TMEM74: variants seen among roughly 807,000 people sequenced by gnomAD.
TMEM74 encodes the protein transmembrane protein 74.
In TMEM74, 13 loss-of-function variants were observed where a neutral mutation model predicts 18.1. The observed-to-expected ratio is 0.72, with a 90% CI of 0.47 to 1.14. The LOEUF (loss-of-function observed/expected upper bound fraction) is 1.14, where lower values mean the gene tolerates loss of function less well. Among genes scored for constraint, TMEM74 ranks in the 50% most tolerant of loss-of-function variants. The pLI, the probability that TMEM74 is intolerant of heterozygous loss-of-function variation, is 0.00. For missense variants in TMEM74, 372 were observed against 375.9 expected, an observed-to-expected ratio of 0.99 and a Z score of 0.09; for synonymous variants, 159 against 146.6, an observed-to-expected ratio of 1.08 and a Z score of -0.61.
intron 2 of TMEM74, among the ~76,000 whole-genome samples, chr8:108,646,797 A>T (rs1299926183): frequency 2.0e-5 from 3 of 148,120 alleles, no homozygotes; most frequent in African/African-American, 8.0e-5. Context: ...TTCATAACTC[A>T]GGTTATAAAA....
At chr8:108,652,652 A>G in intron 2 of TMEM74, 1 of 622,160 alleles carries the variant, frequency 1.6e-6, no homozygotes, top group South Asian at 1.6e-5. Flanking sequence ...AAAAAGAAAG[A>G]AGAAAAGCCA....
chr8:108,608,108 C>T (rs1812296296), intron 3 of TMEM74, among the ~76,000 whole-genome samples: 1 of 151,846 alleles, frequency 6.6e-6, no homozygotes, highest in African/African-American at 2.4e-5. Context: ...TCGAGACCAG[C>T]CTGACCAACA....
intron 1 of TMEM74, among the ~76,000 whole-genome samples, chr8:108,717,515 G>GA (rs1181845679): frequency 6.6e-6 from 1 of 152,112 alleles, no homozygotes; most frequent in Non-Finnish European, 1.5e-5. Flanking sequence ...CAGATAACCT[G>GA]AAAAATGTCA....
chr8:108,609,326 G>T (rs1300920370), intron 2 of TMEM74, among the ~76,000 whole-genome samples: 3 of 152,156 alleles, frequency 2.0e-5, no homozygotes, highest in Non-Finnish European at 2.9e-5. Flanking sequence ...CCTTGTTTAA[G>T]TTTAACGTGT....
At chr8:108,678,441 T>A (rs917296457) in intron 1 of TMEM74, among the ~76,000 whole-genome samples, 1 of 151,966 alleles carries the variant, frequency 6.6e-6, no homozygotes, top group African/African-American at 2.4e-5. Flanking sequence ...CTCAGCTCAC[T>A]GCAACCTCTG....
Position 108,713,786 on chromosome 8 carries a change from A to G in TMEM74, n.120-58349T>C, listed in dbSNP as rs552610746. On this transcript the variant is annotated intron_variant and non_coding_transcript_variant, in intron 1 of 3. Coordinates refer to the TMEM74 transcript ENST00000518838. The stretch of plus-strand genomic sequence containing the variant: ...AGGCTGAGAAGTTGCAGGACAAGCC[A>G]TCTGCAAGCTGGAGACCCTGCAATG... Among the ~76,000 whole-genome samples, 5 of 152,324 alleles carry G rather than the reference A, an allele frequency of 3.3e-5. No individual in the cohort carries two copies. In the South Asian group the frequency reaches 8.3e-4, roughly 25 times the overall value.
intron 1 of TMEM74, among the ~76,000 whole-genome samples, chr8:108,739,749 C>G (rs536442121): frequency 6.6e-5 from 10 of 152,136 alleles, no homozygotes; most frequent in Admixed American, 2.0e-4. Flanking sequence ...GGTGCTTTAG[C>G]TAGGGTGACT....
chr8:108,772,451 T>A (rs1814183732), intron 1 of TMEM74, among the ~76,000 whole-genome samples: 1 of 152,140 alleles, frequency 6.6e-6, no homozygotes, highest in African/African-American at 2.4e-5. Context: ...TCCTAGAGTT[T>A]TAAAGTCTAG....
intron 1 of TMEM74, among the ~76,000 whole-genome samples, chr8:108,732,319 C>T (rs1267900365): frequency 6.6e-6 from 1 of 152,192 alleles, no homozygotes; most frequent in African/African-American, 2.4e-5. Flanking sequence ...TGTCCATTCT[C>T]TCCCCATTTA....
chr8:108,666,654 G>A (rs1414793724), intron 1 of TMEM74, among the ~76,000 whole-genome samples: 3 of 152,048 alleles, frequency 2.0e-5, no homozygotes, highest in Non-Finnish European at 4.4e-5. Flanking sequence ...ATTGAGAGAT[G>A]GGAGATTAGA....
chr8:108,644,599 G>T (rs868581179), intron 2 of TMEM74, among the ~76,000 whole-genome samples: 2 of 152,170 alleles, frequency 1.3e-5, no homozygotes, highest in Non-Finnish European at 2.9e-5. Context: ...TGCAAACTAT[G>T]CATCTGACAA....
chr8:108,770,053 T>G (rs1483324862), intron 1 of TMEM74, among the ~76,000 whole-genome samples: 1 of 152,084 alleles, frequency 6.6e-6, no homozygotes, highest in Non-Finnish European at 1.5e-5. Flanking sequence ...CTAGGTAAAA[T>G]TTTTCATTAC....
intron 2 of TMEM74, chr8:108,652,505 A>G: frequency 2.3e-6 from 1 of 428,638 alleles, no homozygotes; most frequent in Non-Finnish European, 4.4e-6. Context: ...CAGGAGGGAG[A>G]GACCCTGACC....
At chr8:108,652,939 C>T (rs955986639) in intron 2 of TMEM74, 8 of 319,688 alleles carry the variant, frequency 2.5e-5, no homozygotes, top group Non-Finnish European at 4.3e-5. Context: ...AATTTTCTAG[C>T]GACTTGCTAG....
chr8:108,778,564 T>C (rs1336840796), downstream of TMEM74, among the ~76,000 whole-genome samples: 1 of 152,222 alleles, frequency 6.6e-6, no homozygotes, highest in African/African-American at 2.4e-5. Flanking sequence ...AGAATCTTGA[T>C]CCAATTTTTA....
At chr8:108,612,572 A>C (rs1294049845) in intron 2 of TMEM74, among the ~76,000 whole-genome samples, 2 of 152,222 alleles carry the variant, frequency 1.3e-5, no homozygotes, top group African/African-American at 2.4e-5. Flanking sequence ...CTTTAACAGG[A>C]GTCAATCTAA....
chr8:108,653,554 A>C (rs1497627), intron 2 of TMEM74, among the ~76,000 whole-genome samples: 34,000 of 152,136 alleles, frequency 0.22, 3,873 homozygotes, highest in East Asian at 0.28. Flanking sequence ...GAATTAGCCC[A>C]AAACCACATG....
At chr8:108,616,982 C>A (rs1812390152) in intron 2 of TMEM74, among the ~76,000 whole-genome samples, 1 of 151,160 alleles carries the variant, frequency 6.6e-6, no homozygotes, top group Admixed American at 6.6e-5. Context: ...AGTATAGTGA[C>A]TATATTTATA....
intron 1 of TMEM74, among the ~76,000 whole-genome samples, chr8:108,656,501 TATATGTAACCTC>T (rs1202649874): frequency 6.6e-6 from 1 of 152,202 alleles, no homozygotes; most frequent in Non-Finnish European, 1.5e-5. Flanking sequence ...TACTCTTCAC[TATATGTAACCTC>T]ATACACTGAA....
Sources: gnomAD v4.1 joint callset for allele counts (sites outside exome capture counted in the v4.1 genomes callset) on GRCh38, gnomAD v4.1.1 for gene constraint, MANE v1.5 for transcripts, NCBI Gene and HGNC (gene_info 2026-07-23, HGNC 2026-07-21) for gene names.